The following CXCL12 variants were observed in gnomAD, a reference collection of about 807,000 sequenced individuals.
CXCL12 encodes C-X-C motif chemokine ligand 12, also known as stromal cell-derived factor 1.
CXCL12 carries 4 observed loss-of-function variants against 10.7 expected under a neutral mutation model. The ratio of observed to expected loss-of-function variants is 0.37; its 90% CI spans 0.18 to 0.86. The LOEUF (loss-of-function observed/expected upper bound fraction) is 0.86. Ranked by LOEUF, CXCL12 falls within the 40% of genes least tolerant of loss-of-function variation. The pLI is 0.43. For missense variants in CXCL12, 122 were observed against 110.4 expected, an observed-to-expected ratio of 1.10 and a Z score of -0.47; for synonymous variants, 54 against 45.4, an observed-to-expected ratio of 1.19 and a Z score of -0.77.
rs1839511596 is a variant in CXCL12, at chr10:44,378,064, G to A, written c.*569C>T. 3 of 1,465,100 alleles carry A rather than the reference G, an allele frequency of 2.0e-6. No individual in the cohort carries two copies. The highest frequency in any genetic ancestry group is 2.8e-5 in the South Asian group (2 of 71,414). The allele number at this position is 1,465,100 out of a possible 1,614,324, so 90.8% of individuals were successfully genotyped here. A position where few individuals can be genotyped will look rare whatever the true frequency, so the allele number is the denominator to read the frequency against. On this transcript the variant is annotated 3_prime_UTR_variant, in exon 3 of 3. Transcript: ENST00000343575. ...CACTGAGGTTGAAAGAGGAGGTGAA[G>A]GCAGTGGCGGCGCCCAGCCCCAGTC...
chr10:44,380,784 G>C lies in CXCL12; in HGVS notation c.158C>G (p.Pro53Arg). 2 of 1,613,848 alleles carry C rather than the reference G, an allele frequency of 1.2e-6. No individual in the cohort carries two copies. Among genetic ancestry groups the C allele is most frequent in the Non-Finnish European group, 1.7e-6 (2 of 1,179,700 alleles). The change falls in exon 2 of 3, where the codon CCA becomes CGA. Residue 53 changes from proline to arginine, a missense_variant. Physicochemically the swap from Pro to Arg is moderately radical, Grantham distance 103. Transcript: ENST00000343575. ...NVKHLKILNT[P>R]NCALQIVARL... ...TTACACAATCTGAAGGGCACAGTTT[G>C]GAGTGTTGAGAATTTTGAGATGCTT...
chr10:44,376,559 G>A (rs1213394934), downstream of CXCL12, among the ~76,000 whole-genome samples: 1 of 152,238 alleles, frequency 6.6e-6, no homozygotes, highest in Non-Finnish European at 1.5e-5. Flanking sequence ...CTAGACGCCT[G>A]TGAACACTCC....
In CXCL12 at chr10:44,377,184, A is replaced by C; in HGVS notation, c.*1449T>G. ...GCTAGTGCATATAATGTCACATTTG[A>C]TACAATTTTAGTACAAGTGAAAAAA... On this transcript the variant is annotated 3_prime_UTR_variant, in exon 3 of 3. Transcript: ENST00000343575. 4.1e-6 allele frequency: 4 copies of C among 986,958 alleles called. No individual in the cohort carries two copies. Among genetic ancestry groups the C allele is most frequent in the Non-Finnish European group, 4.8e-6 (4 of 831,004 alleles). 61.1% of individuals were successfully genotyped at this position (986,958 alleles called of 1,614,324 possible). A position where few individuals can be genotyped will look rare whatever the true frequency, so the allele number is the denominator to read the frequency against.
intron 1 of CXCL12, among the ~76,000 whole-genome samples, chr10:44,383,703 C>T (rs1381057331): frequency 1.4e-5 from 2 of 145,244 alleles, no homozygotes; most frequent in Non-Finnish European, 3.0e-5. Flanking sequence ...GTCCTTAACA[C>T]TTAGGCAGTC....
intron 1 of CXCL12, among the ~76,000 whole-genome samples, chr10:44,381,559 A>G (rs1839632032): frequency 6.6e-6 from 1 of 152,236 alleles, no homozygotes; most frequent in Non-Finnish European, 1.5e-5. Context: ...TGTGGTTTTC[A>G]TTGCCTAGGC....
At chr10:44,373,410 G>A, downstream of CXCL12, 4 of 1,409,572 alleles carry the variant, frequency 2.8e-6, no homozygotes. Context: ...AGCTCCAGAA[G>A]GACAGCGGCC....
intron 1 of CXCL12, among the ~76,000 whole-genome samples, chr10:44,384,494 C>A (rs1839735699): frequency 6.6e-6 from 1 of 152,212 alleles, no homozygotes; most frequent in Non-Finnish European, 1.5e-5. Flanking sequence ...CTTTGCAAAG[C>A]GCGCTCTCGC....
At chr10:44,371,264 G>T, downstream of CXCL12, 1 of 336,320 alleles carries the variant, frequency 3.0e-6, no homozygotes, top group Non-Finnish European at 5.9e-6. Context: ...AAATAGAAAT[G>T]ATTCCTTTCC....
chr10:44,384,883 C>T, intron 1 of CXCL12, 62 bp downstream of exon 1: 1 of 1,488,232 alleles, frequency 6.7e-7, no homozygotes, highest in Non-Finnish European at 9.0e-7. Context: ...AGCCGCGGCT[C>T]TGCGCCGGGC....
chr10:44,384,697 C>A (rs1262678492), intron 1 of CXCL12, among the ~76,000 whole-genome samples: 6 of 152,242 alleles, frequency 3.9e-5, no homozygotes, highest in Non-Finnish European at 8.8e-5. Flanking sequence ...GCCCAGTTGT[C>A]CCGGCTGACC....
Position 44,378,211 on chromosome 10 carries a change from TCCC to T in CXCL12, c.*419_*421del, listed in dbSNP as rs1273033568. On this transcript the variant is annotated 3_prime_UTR_variant, in exon 3 of 3. Transcript: ENST00000343575. ...AGCCACCACCTGACTGTGCCCAGAC[TCCC>T]CAGGGGAGCAGAGGAGATGCTCCAA... 6.3e-5 allele frequency: 91 copies of T among 1,441,144 alleles called. No individual in the cohort carries two copies. The Admixed American group carries it at 8.0e-4, about 13-fold the overall frequency. 89.3% of individuals were successfully genotyped at this position (1,441,144 alleles called of 1,614,324 possible).
At chr10:44,375,760 C>T (rs974813314), downstream of CXCL12, 1 of 1,284,012 alleles carries the variant, frequency 7.8e-7, no homozygotes, top group African/African-American at 1.5e-5. Context: ...CAACAAGGGC[C>T]TTAAAAAGCA....
At chr10:44,374,376 G>C (rs1564458708), downstream of CXCL12, 3 of 449,658 alleles carry the variant, frequency 6.7e-6, no homozygotes, top group South Asian at 4.7e-5. Flanking sequence ...GAGTCCCATG[G>C]ACTAGAGTGG....
At chr10:44,378,785 TG>T (rs963867495) in intron 2 of CXCL12, 62 bp from the exon 3 acceptor site, 1 of 1,541,970 alleles carries the variant, frequency 6.5e-7, no homozygotes, top group African/African-American at 1.4e-5. Flanking sequence ...CTGCAACGTG[TG>T]CATCCGCTCC....
At chr10:44,373,327 C>T (rs571055420), downstream of CXCL12, 12 of 1,608,222 alleles carry the variant, frequency 7.5e-6, no homozygotes, top group African/African-American at 1.3e-5. Flanking sequence ...GTCTGACCCT[C>T]TCACATCTTG....
At chr10:44,381,239 TA>T (rs1028284368) in intron 1 of CXCL12, among the ~76,000 whole-genome samples, 1 of 152,060 alleles carries the variant, frequency 6.6e-6, no homozygotes, top group African/African-American at 2.4e-5. Context: ...TTACTCTTTG[TA>T]AAAAAAATTC....
intron 2 of CXCL12, among the ~76,000 whole-genome samples, chr10:44,380,072 T>C (rs1321856386): frequency 6.6e-6 from 1 of 152,186 alleles, no homozygotes; most frequent in African/African-American, 2.4e-5. Flanking sequence ...AGCCCTCGCT[T>C]CCCCGTGTTC....
At chr10:44,373,962 T>C (rs1460992865), downstream of CXCL12, among the ~76,000 whole-genome samples, 1 of 152,124 alleles carries the variant, frequency 6.6e-6, no homozygotes, top group Non-Finnish European at 1.5e-5. Flanking sequence ...CCACCAGGAA[T>C]CCCGGTCAGG....
At chr10:44,380,942 T>C in intron 1 of CXCL12, 62 bp from the exon 2 acceptor site, 1 of 1,330,176 alleles carries the variant, frequency 7.5e-7, no homozygotes, top group Non-Finnish European at 1.1e-6. Context: ...AATGTGTGTC[T>C]GGGCTGCAGC....
Sources: allele counts gnomAD v4.1 joint callset (sites outside exome capture counted in the v4.1 genomes callset), GRCh38; gene constraint gnomAD v4.1.1; transcripts MANE v1.5; gene names NCBI Gene and HGNC (gene_info 2026-07-23, HGNC 2026-07-21).